FAM120B: variants seen among roughly 807,000 people sequenced by gnomAD.
The protein encoded by FAM120B is family with sequence similarity 120 member B.
Under a neutral mutation model 96.3 loss-of-function variants are expected in FAM120B, and 83 were observed. The observed-to-expected ratio is 0.86, with a 90% CI of 0.72 to 1.03. The LOEUF (loss-of-function observed/expected upper bound fraction) is 1.03. Ranked by LOEUF, FAM120B falls within the 50% of genes least tolerant of loss-of-function variation. FAM120B has a pLI of 0.00. For missense variants in FAM120B, 1,027 were observed against 1,121.2 expected (o/e 0.92, Z 1.20); for synonymous variants, 407 against 402.7 (o/e 1.01, Z -0.13).
At chr6:170,327,745 C>T (rs1785699688) in intron 3 of FAM120B, among the ~76,000 whole-genome samples, 1 of 145,906 alleles carries the variant, frequency 6.9e-6, no homozygotes, top group Admixed American at 6.9e-5. Context: ...CCGGTGAGTC[C>T]ATGAGTGAAT....
chr6:170,388,152 A>C, intron 6 of FAM120B, 135 bp from the exon 7 acceptor site: 2 of 718,798 alleles, frequency 2.8e-6, no homozygotes, highest in Non-Finnish European at 2.4e-6. Context: ...AGCTTTGAGG[A>C]TGCAGCTATG....
At chr6:170,397,064 A>G (rs762121693) in intron 9 of FAM120B, among the ~76,000 whole-genome samples, 27 of 152,320 alleles carry the variant, frequency 1.8e-4, no homozygotes, top group African/African-American at 5.5e-4. Flanking sequence ...AGAGAGCTCA[A>G]TGCCTGTCCT....
chr6:170,370,079 A>G lies in FAM120B; in HGVS notation c.2283+11761A>G, dbSNP rs573349480. Among the ~76,000 whole-genome samples, 10 of 152,314 alleles carry G rather than the reference A, an allele frequency of 6.6e-5. No homozygotes were observed. The highest frequency in any genetic ancestry group is 2.4e-4 in the African/African-American group (10 of 41,570). ...TATAGCAATCTAATTTCTCTTTTAA[A>G]CCCATTCTGTGAGTCGGCAGAAATT... On this transcript the variant is annotated intron_variant, in intron 6 of 10. Coordinates refer to ENST00000476287, the MANE Select transcript of FAM120B (RefSeq NM_032448.3). The surrounding 1 kb of genome is among the most constrained non-coding windows in gnomAD (Gnocchi z 4.3).
intron 1 of FAM120B, among the ~76,000 whole-genome samples, chr6:170,307,669 A>T (rs2114990752): frequency 6.6e-6 from 1 of 152,352 alleles, no homozygotes; most frequent in East Asian, 1.9e-4. Context: ...GGGGAATGGC[A>T]GGAAGGAAGC....
chr6:170,318,861 C>T lies in FAM120B; in HGVS notation c.1471C>T (p.Pro491Ser). ...GCAAGAAGTTTTAATACGGACAGAC[C>T]CTGAATCTAGGCAAGAAATTATGTG... ...SRQEVLIRTD[P>S]ESRQEIMCTG... The change falls in exon 2 of 11, where the codon CCT (proline) becomes TCT (serine). Residue 491 changes from proline (P) to serine (S), a missense_variant. By Grantham distance (74) the Pro-to-Ser change is moderately conservative (BLOSUM62 -1). Transcript: ENST00000476287. 1 of 1,614,094 alleles carries T rather than the reference C, an allele frequency of 6.2e-7. No homozygotes were observed.
chr6:170,398,897 G>A (rs1420574294), intron 9 of FAM120B, among the ~76,000 whole-genome samples: 1 of 152,062 alleles, frequency 6.6e-6, no homozygotes, highest in African/African-American at 2.4e-5. Flanking sequence ...TTAGGAGTGA[G>A]TGGGAAAGGT....
upstream of FAM120B, among the ~76,000 whole-genome samples, chr6:170,291,522 T>TG (rs2114969996): frequency 6.9e-6 from 1 of 145,208 alleles, no homozygotes; most frequent in South Asian, 2.2e-4. Context: ...AGGAGTCTCT[T>TG]GGGGGCGGAG....
At chr6:170,400,886 C>G (rs776891869) in intron 9 of FAM120B, among the ~76,000 whole-genome samples, 2 of 152,152 alleles carry the variant, frequency 1.3e-5, no homozygotes, top group Non-Finnish European at 2.9e-5. Context: ...CAGAGCATGG[C>G]CCCCAGGTCA....
At chr6:170,381,419 A>G (rs1400921377) in intron 6 of FAM120B, among the ~76,000 whole-genome samples, 2 of 152,178 alleles carry the variant, frequency 1.3e-5, no homozygotes, top group Non-Finnish European at 2.9e-5. Context: ...AGAGGTCTCT[A>G]GCCCAGAGGT....
intron 2 of FAM120B, among the ~76,000 whole-genome samples, chr6:170,322,622 G>A (rs544431719): frequency 7.2e-5 from 11 of 152,276 alleles, no homozygotes; most frequent in Admixed American, 2.6e-4. Flanking sequence ...GCTTTATAGA[G>A]GGGCCTCAAA....
At position 170,348,428 on chromosome 6, in the gene FAM120B, A is replaced by G. The variant is rs137889392; in HGVS notation, c.2190+105A>G. 1,355 of 1,030,962 alleles carry G rather than the reference A, an allele frequency of 1.3e-3. 1 individual carries two copies. Among genetic ancestry groups the G allele is most frequent in the Middle Eastern group, 2.3e-3 (7 of 3,106 alleles). The allele number at this position is 1,030,962 out of a possible 1,614,324, so 63.9% of individuals were successfully genotyped here. On this transcript the variant is annotated intron_variant, in intron 5 of 10. Coordinates refer to ENST00000476287, the MANE Select transcript of FAM120B (RefSeq NM_032448.3). ...TGGTGTCCCGGATTGTCTTTTTCCA[A>G]TGTCTGTTCCATGGAACATTATTAG...
chr6:170,327,880 A>C (rs1785710307), intron 3 of FAM120B, among the ~76,000 whole-genome samples: 1 of 147,510 alleles, frequency 6.8e-6, no homozygotes, highest in Non-Finnish European at 1.5e-5. Context: ...CCAGGACATG[A>C]CCGTGTTGCT....
intron 1 of FAM120B, among the ~76,000 whole-genome samples, chr6:170,310,239 G>A (rs369316967): frequency 1.3e-5 from 2 of 152,256 alleles, no homozygotes; most frequent in East Asian, 3.8e-4. Context: ...GTAGAGCACA[G>A]TGTGGGTAGG....
intron 4 of FAM120B, among the ~76,000 whole-genome samples, chr6:170,335,004 A>G (rs1460637142): frequency 1.4e-5 from 2 of 147,578 alleles, no homozygotes; most frequent in African/African-American, 2.5e-5. Flanking sequence ...CTAAAGATTC[A>G]CTTTGCATGT....
Position 170,370,403 on chromosome 6 carries a change from G to T in FAM120B, c.2283+12085G>T, listed in dbSNP as rs916732998. Among the ~76,000 whole-genome samples the T allele has an allele frequency of 6.6e-6, 1 of 152,190 alleles. No individual in the cohort carries two copies. Among genetic ancestry groups the T allele is most frequent in the African/African-American group, 2.4e-5 (1 of 41,442 alleles). The stretch of plus-strand genomic sequence containing the variant: ...AGGGTCCATCACCCTTCCTCTGGGG[G>T]GTGAGGCAGAGGACCCTGTTTCTGT... On this transcript the variant is annotated intron_variant, in intron 6 of 10. Transcript: ENST00000476287. This position sits in a 1 kb window ranked among gnomAD's most constrained non-coding sequence, Gnocchi z 4.3.
At chr6:170,297,054 G>A (rs1784030746) in intron 1 of FAM120B, among the ~76,000 whole-genome samples, 2 of 152,216 alleles carry the variant, frequency 1.3e-5, no homozygotes, top group South Asian at 2.1e-4. Flanking sequence ...GCACGCGGGG[G>A]GCTTCAAGGC....
chr6:170,326,592 C>T (rs2115050519), intron 3 of FAM120B, among the ~76,000 whole-genome samples: 1 of 152,244 alleles, frequency 6.6e-6, no homozygotes, highest in South Asian at 2.1e-4. Flanking sequence ...TTTGAGGGCT[C>T]CTTCCACAGT....
intron 6 of FAM120B, among the ~76,000 whole-genome samples, chr6:170,374,058 TTAGAGTAGCA>T (rs1016977200): frequency 2.0e-5 from 3 of 152,184 alleles, no homozygotes; most frequent in African/African-American, 7.2e-5. Flanking sequence ...TCACTTCTGC[TTAGAGTAGCA>T]GCAAAAGAAA....
At chr6:170,354,912 G>A (rs562255560) in intron 5 of FAM120B, among the ~76,000 whole-genome samples, 289 of 152,264 alleles carry the variant, frequency 1.9e-3, no homozygotes, top group Middle Eastern at 3.4e-3. Context: ...CTGGGCAATA[G>A]AGTGAGACTC....
Sources: gnomAD v4.1 joint callset for allele counts (sites outside exome capture counted in the v4.1 genomes callset) on GRCh38, gnomAD v4.1.1 for gene constraint, Gnocchi (gnomAD v3.1) non-coding constraint, MANE v1.5 for transcripts, NCBI Gene and HGNC (gene_info 2026-07-23, HGNC 2026-07-21) for gene names.